The following C14orf180 variants were observed in gnomAD, a reference collection of about 807,000 sequenced individuals.
C14orf180 encodes chromosome 14 open reading frame 180.
In C14orf180, 13 loss-of-function variants were observed where a neutral mutation model predicts 13.9. The observed-to-expected ratio is 0.94, with a 90% CI of 0.61 to 1.49. The LOEUF (loss-of-function observed/expected upper bound fraction) is 1.49. Ranked by LOEUF, C14orf180 falls within the 40% of genes most tolerant of loss-of-function variation. C14orf180 has a pLI of 0.00. For missense variants in C14orf180, 238 were observed against 232.0 expected, an observed-to-expected ratio of 1.03 and a Z score of -0.17; for synonymous variants, 113 against 106.3, an observed-to-expected ratio of 1.06 and a Z score of -0.39.
At chr14:104,580,611 T>C (rs1886402406) in intron 1 of C14orf180, among the ~76,000 whole-genome samples, 1 of 152,176 alleles carries the variant, frequency 6.6e-6, no homozygotes, top group Admixed American at 6.5e-5. Context: ...GATTCGTTAC[T>C]CCAGTAACTG....
At chr14:104,583,797 C>T (rs1886518675) in intron 1 of C14orf180, among the ~76,000 whole-genome samples, 1 of 152,116 alleles carries the variant, frequency 6.6e-6, no homozygotes, top group South Asian at 2.1e-4. Context: ...CACACATTCA[C>T]CCACACATAC....
intron 1 of C14orf180, among the ~76,000 whole-genome samples, chr14:104,585,700 G>A (rs1253491350): frequency 1.6e-5 from 2 of 122,060 alleles, no homozygotes; most frequent in East Asian, 5.7e-4. Context: ...ATTAGAGAGA[G>A]GCAGGGAGAC....
intron 2 of C14orf180, among the ~76,000 whole-genome samples, chr14:104,587,255 G>T (rs1886659408): frequency 6.6e-6 from 1 of 152,132 alleles, no homozygotes; most frequent in African/African-American, 2.4e-5. Context: ...AGGCAAATGT[G>T]TAGGAGCTGC....
rs779751469 is a variant in C14orf180 at position 104,588,292 on chromosome 14, C to G, written c.260C>G (p.Ala87Gly). 1.2e-6 allele frequency: 2 copies of G among 1,614,032 alleles called. No individual in the cohort carries two copies. The highest frequency in any genetic ancestry group is 4.5e-5 in the East Asian group (2 of 44,884). Residue 87 changes from alanine (A) to glycine (G), a missense_variant, in exon 4 of 5, where the codon GCC (alanine) becomes GGC (glycine). Coordinates refer to ENST00000557649, the MANE Select transcript of C14orf180 (RefSeq NM_001008404.3). ...TTCGCAGACATTGCTGACAAGAACG[C>G]CACAGCCACTGTCAGGGGTGAGTTC... ...VTVHYIADKN[A>G]TATVRVPGRP... is the part of the protein sequence containing the mutation.
intron 2 of C14orf180, 40 bp from the exon 3 acceptor site, chr14:104,587,709 C>G: frequency 6.2e-7 from 1 of 1,606,000 alleles, no homozygotes; most frequent in Non-Finnish European, 8.5e-7. Context: ...AGCGGCCTCC[C>G]GCCGGGGACT....
In C14orf180 at chr14:104,590,332, C is replaced by T. The variant is rs1425494064; in HGVS notation, c.*1549C>T. 1 of 151,268 alleles carries T rather than the reference C, an allele frequency of 6.6e-6. No homozygotes were observed. The highest frequency in any genetic ancestry group is 1.5e-5 in the Non-Finnish European group (1 of 67,802). 9.4% of individuals were successfully genotyped at this position (151,268 alleles called of 1,614,324 possible). A position where few individuals can be genotyped will look rare whatever the true frequency, so the allele number is the denominator to read the frequency against. On this transcript the variant is annotated 3_prime_UTR_variant, in exon 5 of 5. Transcript: ENST00000557649. ...AGCGGCTCCCAGAGGTTGGGTCTCTCAGAGCAGTCACAGGCCCAGGCTCAG... is the reference window on the plus strand; with the variant it reads ...AGCGGCTCCCAGAGGTTGGGTCTCTTAGAGCAGTCACAGGCCCAGGCTCAG...
Position 104,588,537 on chromosome 14 carries a change from C to T in C14orf180, c.278-41C>T, listed in dbSNP as rs73361827. The stretch of plus-strand genomic sequence containing the variant: ...CAGCCCCAGTCCTCCAGGGAAGGGT[C>T]GCGCTGGCTGGCGCTGACCCTGCCT... On this transcript the variant is annotated intron_variant, in intron 4 of 4. Transcript: ENST00000557649. 749 of 1,444,336 alleles carry T rather than the reference C, an allele frequency of 5.2e-4. 8 individuals carry two copies. In the African/African-American group the frequency reaches 9.1e-3, roughly 17 times the overall value. The allele number at this position is 1,444,336 out of a possible 1,614,324, so 89.5% of individuals were successfully genotyped here. A position where few individuals can be genotyped will look rare whatever the true frequency, so the allele number is the denominator to read the frequency against.
In C14orf180 at chr14:104,588,868, C is replaced by A. The variant is rs1200229475; in HGVS notation, c.*85C>A. 4.0e-6 allele frequency: 6 copies of A among 1,493,800 alleles called. No individual in the cohort carries two copies. The highest frequency in any genetic ancestry group is 2.5e-5 in the East Asian group (1 of 39,978). The allele number at this position is 1,493,800 out of a possible 1,614,324, so 92.5% of individuals were successfully genotyped here. A position where few individuals can be genotyped will look rare whatever the true frequency, so the allele number is the denominator to read the frequency against. On this transcript the variant is annotated 3_prime_UTR_variant, in exon 5 of 5. Transcript: ENST00000557649. ...CGAGACAGCCTGAGCCCTGGCCCTGCTGCTTGGTGAATCATGGGGGCCAAA... is the reference window on the plus strand; with the variant it reads ...CGAGACAGCCTGAGCCCTGGCCCTGATGCTTGGTGAATCATGGGGGCCAAA...
In C14orf180 at chr14:104,587,786, G is replaced by T; in HGVS notation, c.149G>T (p.Arg50Leu). The T allele has an allele frequency of 6.2e-7, 1 of 1,612,498 alleles. No homozygotes were observed. Among genetic ancestry groups the T allele is most frequent in the Non-Finnish European group, 8.5e-7 (1 of 1,179,610 alleles). ...AAGTGCCCCCCCTCCATCCTGAAAC[G>T]GAGCCGGCCGGAGCACCACCGCCCA... ...NRKCPPSILKRSRPEHHRPEA... is the reference protein window; with the variant it reads ...NRKCPPSILKLSRPEHHRPEA... The change falls in exon 3 of 5, where the codon CGG becomes CTG. Residue 50 changes from arginine to leucine, a missense_variant. Transcript: ENST00000557649.
rs951676018 is a variant in C14orf180, at chr14:104,588,631, T to C, written c.331T>C (p.Cys111Arg). The C allele has an allele frequency of 2.9e-5, 44 of 1,512,870 alleles. No individual in the cohort carries two copies. Among genetic ancestry groups the C allele is most frequent in the East Asian group, 7.4e-5 (3 of 40,418 alleles). The allele number at this position is 1,512,870 out of a possible 1,614,324, so 93.7% of individuals were successfully genotyped here. A position where few individuals can be genotyped will look rare whatever the true frequency, so the allele number is the denominator to read the frequency against. The change falls in exon 5 of 5, where the codon TGC (cysteine) becomes CGC (arginine). Residue 111 changes from cysteine (C) to arginine (R), a missense_variant. Coordinates refer to ENST00000557649, the MANE Select transcript of C14orf180 (RefSeq NM_001008404.3). The part of the protein sequence containing the change: ...GGSLLLQLCV[C>R]VLLVLALGLY... ...CTCCCTGCTCCTGCAGCTGTGTGTGTGCGTCCTGCTCGTGCTGGCCCTGGG... is the reference window on the plus strand; with the variant it reads ...CTCCCTGCTCCTGCAGCTGTGTGTGCGCGTCCTGCTCGTGCTGGCCCTGGG...
At position 104,587,868 on chromosome 14, in the gene C14orf180, G is replaced by C; in HGVS notation, c.231G>C (p.Val77=). 5 of 1,607,490 alleles carry C rather than the reference G, an allele frequency of 3.1e-6. No homozygotes were observed. The highest frequency in any genetic ancestry group is 4.2e-6 in the Non-Finnish European group (5 of 1,177,320). The change falls in exon 3 of 5, where the codon GTG becomes GTC. Residue 77 remains valine, a synonymous_variant. Coordinates refer to ENST00000557649, the MANE Select transcript of C14orf180 (RefSeq NM_001008404.3). ...RRVWFREPPA[V]TVHYIADKNA... ...TGTGGTTCCGAGAACCCCCAGCGGTGACCGTCCACTGTAAGAGGGCACCCG... is the reference window on the plus strand; with the variant it reads ...TGTGGTTCCGAGAACCCCCAGCGGTCACCGTCCACTGTAAGAGGGCACCCG...
Position 104,588,886 on chromosome 14 carries a change from G to A in C14orf180, c.*103G>A, listed in dbSNP as rs1023489210. 9 of 1,477,460 alleles carry A rather than the reference G, an allele frequency of 6.1e-6. No individual in the cohort carries two copies. Among genetic ancestry groups the A allele is most frequent in the African/African-American group, 1.4e-5 (1 of 71,252 alleles). 91.5% of individuals were successfully genotyped at this position (1,477,460 alleles called of 1,614,324 possible). A position where few individuals can be genotyped will look rare whatever the true frequency, so the allele number is the denominator to read the frequency against. On this transcript the variant is annotated 3_prime_UTR_variant, in exon 5 of 5. Coordinates refer to ENST00000557649, the MANE Select transcript of C14orf180 (RefSeq NM_001008404.3). The stretch of plus-strand genomic sequence containing the variant: ...GGCCCTGCTGCTTGGTGAATCATGG[G>A]GGCCAAAAGGGGCTGCTGCCTGAGG...
intron 1 of C14orf180, among the ~76,000 whole-genome samples, chr14:104,584,206 G>A (rs1886535968): frequency 6.6e-6 from 1 of 152,244 alleles, no homozygotes; most frequent in Non-Finnish European, 1.5e-5. Context: ...CATGAGGAGT[G>A]AACCTGGCTG....
chr14:104,588,754 A>G lies in C14orf180; in HGVS notation c.454A>G (p.Thr152Ala). Residue 152 changes from threonine (T) to alanine (A), a missense_variant, in exon 5 of 5, where the codon ACC becomes GCC. Coordinates refer to ENST00000557649, the MANE Select transcript of C14orf180 (RefSeq NM_001008404.3). Reference sequence around the variant, plus strand: ...CCTGCACCTGCGGCACGTGGCCCTCACCTGCTGGCGCGGCCTCCTGCGGCT... The same window carrying G: ...CCTGCACCTGCGGCACGTGGCCCTCGCCTGCTGGCGCGGCCTCCTGCGGCT... ...LVLHLRHVAL[T>A]CWRGLLRL 6.5e-7 allele frequency: 1 copy of G among 1,534,792 alleles called. No individual in the cohort carries two copies. Among genetic ancestry groups the G allele is most frequent in the Non-Finnish European group, 8.7e-7 (1 of 1,146,330 alleles).
Position 104,586,475 on chromosome 14 carries a change from G to A in C14orf180, c.45G>A (p.Glu15=), listed in dbSNP as rs773209779. The A allele has an allele frequency of 3.2e-6, 5 of 1,550,598 alleles. No individual in the cohort carries two copies. The African/African-American group carries it at 4.1e-5, about 13-fold the overall frequency. The change falls in exon 2 of 5, where the codon GAG becomes GAA. Residue 15 remains glutamate (E), a synonymous_variant. Transcript: ENST00000557649. The part of the protein sequence containing the change: ...AGAVSPDSRP[E]TRRQTRKNEE... ...CCGTGAGCCCTGACTCCCGGCCAGA[G>A]ACACGACGTCAGACCAGAAAGAATG... is the stretch of plus-strand genomic sequence containing the variant.
intron 1 of C14orf180, among the ~76,000 whole-genome samples, chr14:104,586,072 A>G (rs975168147): frequency 1.3e-5 from 2 of 152,236 alleles, no homozygotes; most frequent in African/African-American, 4.8e-5. Context: ...GCAAATGACA[A>G]TACTAAAATG....
chr14:104,585,457 G>A (rs916886167), intron 1 of C14orf180, among the ~76,000 whole-genome samples: 1 of 152,250 alleles, frequency 6.6e-6, no homozygotes, highest in Admixed American at 6.5e-5. Flanking sequence ...ACCCTGCCAA[G>A]GCTGTGAGAG....
rs1287616400 is a variant in C14orf180, at chr14:104,587,879, G to A, written c.241+1G>A. 2 of 1,601,790 alleles carry A rather than the reference G, an allele frequency of 1.2e-6. No individual in the cohort carries two copies. Among genetic ancestry groups the A allele is most frequent in the Non-Finnish European group, 1.7e-6 (2 of 1,173,272 alleles). On this transcript the variant is annotated splice_donor_variant, in intron 3 of 4. Transcript: ENST00000557649. LOFTEE classifies it high-confidence loss of function. Reference sequence around the variant, plus strand: ...GAACCCCCAGCGGTGACCGTCCACTGTAAGAGGGCACCCGCAGCAAGCAGC... The same window carrying A: ...GAACCCCCAGCGGTGACCGTCCACTATAAGAGGGCACCCGCAGCAAGCAGC...
chr14:104,588,603 C>T lies in C14orf180; in HGVS notation c.303C>T (p.Gly101=), dbSNP rs977034607. 4.1e-5 allele frequency: 60 copies of T among 1,472,780 alleles called. No homozygotes were observed. The highest frequency in any genetic ancestry group is 4.8e-5 in the Non-Finnish European group (53 of 1,114,708). The allele number at this position is 1,472,780 out of a possible 1,614,324, so 91.2% of individuals were successfully genotyped here. The change falls in exon 5 of 5, where the codon GGC becomes GGT. Residue 101 remains glycine, a synonymous_variant. Transcript: ENST00000557649. ...VRVPGRPRPH[G]GSLLLQLCVC... is the part of the protein sequence containing the mutation. Reference sequence around the variant, plus strand: ...TGCCCGGCCGGCCCAGGCCACACGGCGGCTCCCTGCTCCTGCAGCTGTGTG... The same window carrying T: ...TGCCCGGCCGGCCCAGGCCACACGGTGGCTCCCTGCTCCTGCAGCTGTGTG...
Sources: gnomAD v4.1 joint callset for allele counts (sites outside exome capture counted in the v4.1 genomes callset) on GRCh38, gnomAD v4.1.1 for gene constraint, MANE v1.5 for transcripts, NCBI Gene and HGNC (gene_info 2026-07-23, HGNC 2026-07-21) for gene names.